The following CCNY variants were observed in gnomAD, a reference collection of about 807,000 sequenced individuals.
The protein encoded by CCNY is cyclin Y, also known as cyclin-Y.
In CCNY, 19 loss-of-function variants were observed where a neutral mutation model predicts 42.8. The observed-to-expected ratio is 0.44, with a 90% CI of 0.31 to 0.65. The LOEUF is 0.65. Among genes scored for constraint, CCNY ranks in the 30% least tolerant of loss-of-function variants. The pLI, the probability that CCNY is intolerant of heterozygous loss-of-function variation, is 0.07. For missense variants in CCNY, 370 were observed against 437.3 expected (o/e 0.85, Z 1.37); for synonymous variants, 165 against 162.7 (o/e 1.01, Z -0.11).
intron 2 of CCNY, among the ~76,000 whole-genome samples, chr10:35,486,261 G>C (rs923686006): frequency 6.6e-6 from 1 of 152,128 alleles, no homozygotes; most frequent in Non-Finnish European, 1.5e-5. Flanking sequence ...ACATCATATT[G>C]GCGGCTTGAA....
intron 3 of CCNY, among the ~76,000 whole-genome samples, chr10:35,259,604 G>T (rs946002969): frequency 7.1e-6 from 1 of 141,562 alleles, no homozygotes; most frequent in African/African-American, 2.6e-5. Flanking sequence ...CTGGGTTCAA[G>T]TGATTCTCCT....
At chr10:35,313,397 C>T (rs1313715947) in intron 3 of CCNY, among the ~76,000 whole-genome samples, 3 of 152,222 alleles carry the variant, frequency 2.0e-5, no homozygotes, top group Non-Finnish European at 4.4e-5. Flanking sequence ...CGCTTGTTAG[C>T]TGGTGATACT....
chr10:35,552,175 A>G (rs1435296249), intron 7 of CCNY, among the ~76,000 whole-genome samples: 1 of 152,222 alleles, frequency 6.6e-6, no homozygotes, highest in African/African-American at 2.4e-5. Flanking sequence ...CATACAGCTG[A>G]ATATTATTCA....
Position 35,525,875 on chromosome 10 carries a change from T to G in CCNY, c.366-89T>G. On this transcript the variant is annotated intron_variant, in intron 4 of 9. Transcript: ENST00000374704. ...AGATTGTTAGACTTTTACTTCTGTT[T>G]AAATATTTATGTTCAGACTGTGGCC... 3.5e-6 allele frequency: 4 copies of G among 1,139,352 alleles called. No individual in the cohort carries two copies. In the South Asian group the frequency reaches 5.7e-5, roughly 16 times the overall value. The allele number at this position is 1,139,352 out of a possible 1,614,324, so 70.6% of individuals were successfully genotyped here. A position where few individuals can be genotyped will look rare whatever the true frequency, so the allele number is the denominator to read the frequency against.
chr10:35,568,987 C>T, intron 9 of CCNY, 67 bp from the exon 10 acceptor site: 1 of 1,069,310 alleles, frequency 9.4e-7, no homozygotes. Flanking sequence ...CCTCGGCGCC[C>T]AGGACGAGTG....
At chr10:35,410,235 GT>G (rs527817480) in intron 1 of CCNY, among the ~76,000 whole-genome samples, 7 of 152,244 alleles carry the variant, frequency 4.6e-5, no homozygotes, top group African/African-American at 1.4e-4. Context: ...AGGAAAAATA[GT>G]TTTACGTTTC....
intron 1 of CCNY, among the ~76,000 whole-genome samples, chr10:35,477,881 A>G (rs1328047337): frequency 1.3e-5 from 2 of 149,336 alleles, no homozygotes; most frequent in Non-Finnish European, 3.0e-5. Flanking sequence ...TTGTATATCT[A>G]GAAAACCCCA....
At chr10:35,254,952 GA>G (rs1346226966) in intron 3 of CCNY, among the ~76,000 whole-genome samples, 4 of 151,856 alleles carry the variant, frequency 2.6e-5, no homozygotes, top group African/African-American at 7.3e-5. Flanking sequence ...TGTGGTCAGA[GA>G]GGATACGTTG....
intron 1 of CCNY, among the ~76,000 whole-genome samples, chr10:35,481,082 C>T (rs1230054626): frequency 6.6e-6 from 1 of 152,170 alleles, no homozygotes; most frequent in Non-Finnish European, 1.5e-5. Flanking sequence ...TTTTCTATGC[C>T]TACACATATT....
At chr10:35,494,243 C>CT (rs1051666279) in intron 2 of CCNY, among the ~76,000 whole-genome samples, 2 of 145,916 alleles carry the variant, frequency 1.4e-5, no homozygotes, top group Non-Finnish European at 3.0e-5. Context: ...GACCCCCCCC[C>CT]CCATTTCTAC....
At chr10:35,319,008 G>A (rs1392368692) in intron 3 of CCNY, among the ~76,000 whole-genome samples, 1 of 152,124 alleles carries the variant, frequency 6.6e-6, no homozygotes, top group Non-Finnish European at 1.5e-5. Flanking sequence ...TGTCACCTGG[G>A]CCGGAGTGCA....
intron 1 of CCNY, among the ~76,000 whole-genome samples, chr10:35,368,323 C>G (rs1219617221): frequency 1.3e-5 from 2 of 152,160 alleles, no homozygotes; most frequent in East Asian, 3.8e-4. Flanking sequence ...TTTGCAGAAA[C>G]TGCTTTGCAC....
chr10:35,330,238 C>G (rs1227582389), intron 3 of CCNY, among the ~76,000 whole-genome samples: 1 of 152,236 alleles, frequency 6.6e-6, no homozygotes, highest in Non-Finnish European at 1.5e-5. Flanking sequence ...GAACCATTAG[C>G]TACAGTTCTG....
chr10:35,303,535 TG>T (rs1835563567), intron 3 of CCNY, among the ~76,000 whole-genome samples: 1 of 150,186 alleles, frequency 6.7e-6, no homozygotes, highest in Non-Finnish European at 1.5e-5. Flanking sequence ...CCCAGCACTT[TG>T]GGAGGCCGAG....
chr10:35,337,115 C>A lies in CCNY; in HGVS notation c.62C>A (p.Ser21Tyr), dbSNP rs1208590916. ...CCCAAGCTCCGGAGGAATGCCCACTCCCGGCTGGAGTCCTACCGGCCAGAC... is the reference window on the plus strand; with the variant it reads ...CCCAAGCTCCGGAGGAATGCCCACTACCGGCTGGAGTCCTACCGGCCAGAC... ...SSPKLRRNAHSRLESYRPDTD... is the reference protein window; with the variant it reads ...SSPKLRRNAHYRLESYRPDTD... Residue 21 changes from serine to tyrosine, a missense_variant, in exon 1 of 10, where the codon TCC becomes TAC. By Grantham distance (144) the Ser-to-Tyr change is moderately radical. Transcript: ENST00000374704. 5 of 1,593,090 alleles carry A rather than the reference C, an allele frequency of 3.1e-6. No homozygotes were observed. The highest frequency in any genetic ancestry group is 3.5e-5 in the Admixed American group (2 of 57,902).
At chr10:35,557,681 A>G (rs771452629) in intron 8 of CCNY, among the ~76,000 whole-genome samples, 2 of 152,202 alleles carry the variant, frequency 1.3e-5, no homozygotes, top group African/African-American at 2.4e-5. Flanking sequence ...GCTTGAGCCC[A>G]GGAGGCGGAG....
At chr10:35,382,752 G>C (rs1837216111) in intron 1 of CCNY, among the ~76,000 whole-genome samples, 1 of 152,096 alleles carries the variant, frequency 6.6e-6, no homozygotes, top group South Asian at 2.1e-4. Flanking sequence ...TCCTCAAAAT[G>C]GGAAAAATAA....
At chr10:35,567,357 T>C (rs1402973657) in intron 9 of CCNY, among the ~76,000 whole-genome samples, 1 of 152,254 alleles carries the variant, frequency 6.6e-6, no homozygotes, top group Non-Finnish European at 1.5e-5. Context: ...TTCACCAGGC[T>C]CTTCCCACTT....
intron 1 of CCNY, among the ~76,000 whole-genome samples, chr10:35,451,611 A>G (rs1838917954): frequency 6.6e-6 from 1 of 152,224 alleles, no homozygotes; most frequent in African/African-American, 2.4e-5. Flanking sequence ...GGCACTAGAC[A>G]GAGCTGGTTA....
Sources: gnomAD v4.1 joint callset for allele counts (sites outside exome capture counted in the v4.1 genomes callset) on GRCh38, gnomAD v4.1.1 for gene constraint, MANE v1.5 for transcripts, NCBI Gene and HGNC (gene_info 2026-07-23, HGNC 2026-07-21) for gene names.